TRPM7: variants seen among roughly 807,000 people sequenced by gnomAD.
TRPM7 encodes the protein transient receptor potential cation channel subfamily M member 7.
In TRPM7, 134 loss-of-function variants were observed where a neutral mutation model predicts 229.7. The observed-to-expected ratio is 0.58, with a 90% CI of 0.51 to 0.67. The LOEUF is 0.67. Among genes scored for constraint, TRPM7 ranks in the 30% least tolerant of loss-of-function variants. The pLI is 0.00. For synonymous variants in TRPM7, 699 were observed against 715.2 expected, an observed-to-expected ratio of 0.98 and a Z score of 0.36; for missense variants, 1,901 against 2,210.0, an observed-to-expected ratio of 0.86 and a Z score of 2.80.
chr15:50,607,798 G>C (rs2059956788), intron 19 of TRPM7, among the ~76,000 whole-genome samples: 1 of 149,362 alleles, frequency 6.7e-6, no homozygotes, highest in Non-Finnish European at 1.5e-5. Context: ...TGTAATCCCA[G>C]AACTTTGGGA....
intron 1 of TRPM7, among the ~76,000 whole-genome samples, chr15:50,668,371 G>A (rs1041239798): frequency 7.9e-5 from 12 of 152,274 alleles, no homozygotes; most frequent in African/African-American, 2.6e-4. Flanking sequence ...AAGGATTTGA[G>A]CTATTGACAG....
In TRPM7 at chr15:50,643,451, C is replaced by T. The variant is rs2061164930; in HGVS notation, c.424G>A (p.Gly142Ser). The T allele has an allele frequency of 6.2e-7, 1 of 1,614,058 alleles. No individual in the cohort carries two copies. The highest frequency in any genetic ancestry group is 8.5e-7 in the Non-Finnish European group (1 of 1,180,010). The change falls in exon 5 of 39, where the codon GGC (glycine) becomes AGC (serine). Residue 142 changes from glycine to serine, a missense_variant. By Grantham distance (56) the Gly-to-Ser change is moderately conservative (BLOSUM62 0). Transcript: ENST00000646667. ...GGGTGAAGCTCAAATTTCTGCATGCCCCCATGTACAGAGATAACAAGTTTG... is the reference window on the plus strand; with the variant it reads ...GGGTGAAGCTCAAATTTCTGCATGCTCCCATGTACAGAGATAACAAGTTTG... ...LPKLVISVHG[G>S]MQKFELHPRI...
intron 28 of TRPM7, among the ~76,000 whole-genome samples, chr15:50,584,907 T>C (rs2054612263): frequency 6.6e-6 from 1 of 152,014 alleles, no homozygotes; most frequent in African/African-American, 2.4e-5. Flanking sequence ...CTCGCTCCCA[T>C]TCCCATTGCA....
chr15:50,663,440 T>C (rs1379901425), intron 1 of TRPM7, among the ~76,000 whole-genome samples: 2 of 152,172 alleles, frequency 1.3e-5, no homozygotes, highest in African/African-American at 4.8e-5. Context: ...AACACTTCTA[T>C]ACTACATAAT....
intron 1 of TRPM7, among the ~76,000 whole-genome samples, chr15:50,668,747 A>T (rs904883135): frequency 7.2e-5 from 11 of 152,186 alleles, no homozygotes; most frequent in Admixed American, 4.6e-4. Flanking sequence ...ACATCAAGTG[A>T]TTCACCTGCC....
At chr15:50,596,033 T>C (rs1201952980) in intron 23 of TRPM7, among the ~76,000 whole-genome samples, 2 of 152,128 alleles carry the variant, frequency 1.3e-5, no homozygotes, top group Non-Finnish European at 2.9e-5. Flanking sequence ...CAGATAACGA[T>C]TAAATTTATA....
chr15:50,613,676 C>A, intron 15 of TRPM7, 31 bp downstream of exon 15: 1 of 1,468,440 alleles, frequency 6.8e-7, no homozygotes, highest in Non-Finnish European at 9.0e-7. Flanking sequence ...AAAATAAAAA[C>A]CCAGAAAGAA....
intron 17 of TRPM7, among the ~76,000 whole-genome samples, 166 bp downstream of exon 17, chr15:50,610,927 A>G (rs1489805784): frequency 2.0e-5 from 3 of 152,162 alleles, no homozygotes; most frequent in African/African-American, 7.2e-5. Context: ...GGAAAAAAGA[A>G]GCCCATTATA....
At chr15:50,676,542 G>A (rs1423733134) in intron 1 of TRPM7, among the ~76,000 whole-genome samples, 2 of 151,870 alleles carry the variant, frequency 1.3e-5, no homozygotes, top group Non-Finnish European at 2.9e-5. Context: ...AACACAGCGA[G>A]ACCTCATCTC....
chr15:50,604,738 A>C (rs966775307), intron 21 of TRPM7, 128 bp downstream of exon 21: 13 of 885,730 alleles, frequency 1.5e-5, no homozygotes, highest in Non-Finnish European at 2.2e-5. Context: ...GCAGATGTGA[A>C]GTATGAGGCA....
At chr15:50,680,960 T>C (rs1234339771) in intron 1 of TRPM7, among the ~76,000 whole-genome samples, 2 of 152,110 alleles carry the variant, frequency 1.3e-5, no homozygotes, top group Non-Finnish European at 2.9e-5. Context: ...GCGGGATTAA[T>C]ATATGTAAAG....
chr15:50,653,586 C>T (rs959847868), intron 3 of TRPM7, among the ~76,000 whole-genome samples: 1 of 152,038 alleles, frequency 6.6e-6, no homozygotes, highest in African/African-American at 2.4e-5. Flanking sequence ...TGAGGTAAAC[C>T]CCCATGACTG....
At chr15:50,647,931 T>C (rs765273649) in intron 4 of TRPM7, among the ~76,000 whole-genome samples, 1 of 152,212 alleles carries the variant, frequency 6.6e-6, no homozygotes, top group African/African-American at 2.4e-5. Flanking sequence ...TTACATTGTA[T>C]TGGGCATTTT....
chr15:50,618,910 C>T (rs540331581), intron 13 of TRPM7, among the ~76,000 whole-genome samples: 1 of 152,274 alleles, frequency 6.6e-6, no homozygotes, highest in South Asian at 2.1e-4. Context: ...AATCAACCTC[C>T]AGTTCCATTC....
In TRPM7 at chr15:50,592,898, A is replaced by C. The variant is rs994355288; in HGVS notation, c.3609-272T>G. On this transcript the variant is annotated intron_variant, in intron 25 of 38. Transcript: ENST00000646667. ...ACCCCACATCAAAGTAACACAAAAT[A>C]ATGTATATACAGCTACATATATACA... 7.9e-5 allele frequency among the ~76,000 whole-genome samples: 12 copies of C among 152,324 alleles called. No homozygotes were observed. The South Asian group carries it at 1.9e-3, about 24-fold the overall frequency.
chr15:50,565,696 G>A (rs1292816478), intron 38 of TRPM7, among the ~76,000 whole-genome samples: 1 of 152,040 alleles, frequency 6.6e-6, no homozygotes, highest in East Asian at 1.9e-4. Context: ...CAGAAAACCA[G>A]CAAGGATACA....
intron 1 of TRPM7, 71 bp from the exon 2 acceptor site, chr15:50,663,117 A>G (rs2061776363): frequency 6.8e-6 from 8 of 1,168,144 alleles, no homozygotes; most frequent in Middle Eastern, 2.0e-4. Flanking sequence ...ATTTCATGAT[A>G]AACACATAAA....
chr15:50,591,827 G>T, intron 26 of TRPM7, 84 bp downstream of exon 26: 2 of 983,208 alleles, frequency 2.0e-6, no homozygotes, highest in Non-Finnish European at 2.9e-6. Flanking sequence ...AAAAGATAAT[G>T]ACTTGTAACA....
intron 38 of TRPM7, among the ~76,000 whole-genome samples, chr15:50,565,203 A>G (rs1352908082): frequency 6.6e-6 from 1 of 152,084 alleles, no homozygotes; most frequent in Non-Finnish European, 1.5e-5. Flanking sequence ...GCTGGTCTCG[A>G]ACTCCTGACC....
Sources: gnomAD v4.1 joint callset for allele counts (sites outside exome capture counted in the v4.1 genomes callset) on GRCh38, gnomAD v4.1.1 for gene constraint, MANE v1.5 for transcripts, NCBI Gene and HGNC (gene_info 2026-07-23, HGNC 2026-07-21) for gene names.